TRPM1: variants seen among roughly 807,000 people sequenced by gnomAD.
TRPM1 encodes transient receptor potential cation channel subfamily M member 1.
A neutral mutation model predicts 149.4 loss-of-function variants in TRPM1; 113 were observed. The observed-to-expected ratio is 0.76, with a 90% CI of 0.65 to 0.88. The LOEUF (loss-of-function observed/expected upper bound fraction) is 0.88. Among genes scored for constraint, TRPM1 ranks in the 40% least tolerant of loss-of-function variants. TRPM1 has a pLI of 0.00. For missense variants in TRPM1, 1,976 were observed against 2,038.7 expected (o/e 0.97, Z 0.59); for synonymous variants, 741 against 759.5 (o/e 0.98, Z 0.40).
intron 3 of TRPM1, chr15:31,070,462 G>A (rs756235999): frequency 2.1e-5 from 15 of 698,760 alleles, no homozygotes; most frequent in South Asian, 1.5e-4. Context: ...TTGCTCTTTC[G>A]GAAAATATTT....
At chr15:31,011,663 TTAC>T (rs1298842371) in intron 27 of TRPM1, among the ~76,000 whole-genome samples, 1 of 144,616 alleles carries the variant, frequency 6.9e-6, no homozygotes, top group Non-Finnish European at 1.5e-5. Flanking sequence ...TTAATGCCAA[TTAC>T]TTTTTTTTTT....
intron 1 of TRPM1, among the ~76,000 whole-genome samples, chr15:31,087,230 G>GTTT (rs1486533022): frequency 5.7e-5 from 5 of 87,468 alleles, no homozygotes; most frequent in South Asian, 4.3e-4. Flanking sequence ...TCTCAATAGG[G>GTTT]ATTTTTTTTT....
intron 1 of TRPM1, among the ~76,000 whole-genome samples, chr15:31,088,787 G>A (rs1401088240): frequency 1.5e-5 from 2 of 132,076 alleles, no homozygotes; most frequent in Non-Finnish European, 3.2e-5. Flanking sequence ...TCAAACACCT[G>A]AACGTTCTTT....
chr15:31,123,681 A>C (rs889600029), intron 1 of TRPM1, among the ~76,000 whole-genome samples: 5 of 152,224 alleles, frequency 3.3e-5, no homozygotes, highest in South Asian at 2.1e-4. Flanking sequence ...GAATGGCTAA[A>C]ACCCAAAAAA....
At chr15:31,127,800 G>A (rs2035969976) in intron 1 of TRPM1, among the ~76,000 whole-genome samples, 1 of 152,160 alleles carries the variant, frequency 6.6e-6, no homozygotes, top group African/African-American at 2.4e-5. Context: ...CAGCCAGGGA[G>A]CCCCAGAAAT....
chr15:31,127,701 C>G (rs897974228), intron 1 of TRPM1, among the ~76,000 whole-genome samples: 2 of 152,068 alleles, frequency 1.3e-5, no homozygotes. Context: ...GAAGGCAGAG[C>G]TACCAGAGCT....
At chr15:31,114,735 A>T (rs1274313745) in intron 1 of TRPM1, among the ~76,000 whole-genome samples, 1 of 152,238 alleles carries the variant, frequency 6.6e-6, no homozygotes, top group Non-Finnish European at 1.5e-5. Flanking sequence ...GTCCAGAAAA[A>T]ATATTCTTCC....
At chr15:31,058,809 C>T (rs1049138415) in intron 11 of TRPM1, among the ~76,000 whole-genome samples, 2 of 152,160 alleles carry the variant, frequency 1.3e-5, no homozygotes, top group African/African-American at 4.8e-5. Context: ...GGGCTGGGTG[C>T]AGTGACTCAT....
At chr15:31,152,097 C>T (rs1434298752) in intron 1 of TRPM1, among the ~76,000 whole-genome samples, 1 of 152,164 alleles carries the variant, frequency 6.6e-6, no homozygotes, top group African/African-American at 2.4e-5. Flanking sequence ...AGCTGGCCTG[C>T]TCTCAAGCTT....
At chr15:31,087,675 T>C (rs2035041279) in intron 1 of TRPM1, among the ~76,000 whole-genome samples, 1 of 152,124 alleles carries the variant, frequency 6.6e-6, no homozygotes, top group Non-Finnish European at 1.5e-5. Context: ...ATCCACACAA[T>C]GAAATATGAT....
chr15:31,105,481 G>C (rs542463657), upstream of TRPM1, among the ~76,000 whole-genome samples: 11 of 151,364 alleles, frequency 7.3e-5, no homozygotes, highest in Admixed American at 6.6e-5. Context: ...GTGCGCGCGC[G>C]CGCGCGTGCA....
rs757524853 is a variant in TRPM1, at chr15:31,042,222, C to T, written c.1816G>A (p.Gly606Arg). The T allele has an allele frequency of 5.7e-6, 9 of 1,588,134 alleles. No homozygotes were observed. Among genetic ancestry groups the T allele is most frequent in the Admixed American group, 3.6e-5 (2 of 55,734 alleles). ...TTTTTCTTCTTTTTCTTTTTCTTCC[C>T]TTTAGCTGGAGGCTCATCATCCTGA... ...GMEDDEPPAK[G>R]KKKKKKKKEE... The change falls in exon 17 of 28, where the codon GGG (glycine) becomes AGG (arginine). Residue 606 changes from glycine (G) to arginine (R), a missense_variant. Gly to Arg is a moderately radical substitution (Grantham distance 125, BLOSUM62 -2). This residue lies in a region of TRPM1 where 1,332 missense variants were observed against 1,347.1 expected (regional missense o/e 0.99). Transcript: ENST00000256552.
chr15:31,065,955 T>A (rs2034362619), intron 7 of TRPM1, 121 bp downstream of exon 7: 1 of 1,238,788 alleles, frequency 8.1e-7, no homozygotes, highest in Non-Finnish European at 1.1e-6. Flanking sequence ...CATTTTCTGT[T>A]GACCTAACAA....
In TRPM1 at chr15:31,001,966, A is replaced by C. The variant is rs1191561827; in HGVS notation, c.4734T>G (p.His1578Gln). 2 of 1,614,068 alleles carry C rather than the reference A, an allele frequency of 1.2e-6. No individual in the cohort carries two copies. The highest frequency in any genetic ancestry group is 1.7e-6 in the Non-Finnish European group (2 of 1,180,044). ...CCTGAATGGATTTCACATTCCTAGG[A>C]TGTCCATGTAAACTTTTTGACCTGA... Reference protein sequence around the residue: ...PSLRSKSLHGHPRNVKSIQGK... With the variant: ...PSLRSKSLHGQPRNVKSIQGK... The change falls in exon 28 of 28, where the codon CAT becomes CAG. Residue 1578 changes from histidine to glutamine, a missense_variant. Around this residue, in one of 3 missense-constraint regions of TRPM1, gnomAD observed 572 missense variants for 578.9 expected, o/e 0.99. Coordinates refer to ENST00000256552, the MANE Select transcript of TRPM1 (RefSeq NM_001252024.2).
chr15:31,048,692 G>T, intron 13 of TRPM1, among the ~76,000 whole-genome samples: 1 of 152,054 alleles, frequency 6.6e-6, no homozygotes, highest in Non-Finnish European at 1.5e-5. Flanking sequence ...TGCACCTGTA[G>T]TCCCAGATAC....
Position 31,121,162 on chromosome 15 carries a change from G to A in TRPM1, c.54+39744C>T, listed in dbSNP as rs116745674. ...AATTGCTTTGACCCAGGAGGCAGAT[G>A]TTGCAGTGAACCAAGATGTGCCACT... On this transcript the variant is annotated intron_variant, in intron 1 of 26. Transcript: ENST00000542188. Among the ~76,000 whole-genome samples the A allele has an allele frequency of 4.0e-3, 550 of 136,638 alleles. 4 individuals carry two copies. Among genetic ancestry groups the A allele is most frequent in the African/African-American group, 0.014 (516 of 36,066 alleles). 89.6% of individuals were successfully genotyped at this position (136,638 alleles called of 152,430 possible).
intron 27 of TRPM1, among the ~76,000 whole-genome samples, chr15:31,008,371 G>A (rs2032069028): frequency 6.6e-6 from 1 of 152,186 alleles, no homozygotes; most frequent in Non-Finnish European, 1.5e-5. Context: ...TTAGTTTGCT[G>A]AGAGACTTTT....
chr15:31,087,784 T>C (rs560332564), intron 1 of TRPM1, among the ~76,000 whole-genome samples: 2 of 151,866 alleles, frequency 1.3e-5, no homozygotes, highest in African/African-American at 4.9e-5. Flanking sequence ...AATTGCTGTG[T>C]GATGTGCGGT....
chr15:31,128,419 C>T (rs783023), intron 1 of TRPM1, among the ~76,000 whole-genome samples: 79,560 of 151,974 alleles, frequency 0.52, 21,516 homozygotes, highest in African/African-American at 0.59. Flanking sequence ...GAGCCCTGCT[C>T]CTGACTCATG....
Sources: allele counts gnomAD v4.1 joint callset (sites outside exome capture counted in the v4.1 genomes callset), GRCh38; gene constraint gnomAD v4.1.1; regional missense constraint gnomAD v4.1.1; transcripts MANE v1.5; gene names NCBI Gene and HGNC (gene_info 2026-07-23, HGNC 2026-07-21).